Variants in SLC8A1 observed in about 807,000 individuals in gnomAD.
SLC8A1 encodes solute carrier family 8 member A1.
Under a neutral mutation model 68.3 loss-of-function variants are expected in SLC8A1, and 18 were observed. The ratio of observed to expected loss-of-function variants is 0.26; its 90% CI spans 0.18 to 0.39. SLC8A1 has a LOEUF of 0.39. Among genes scored for constraint, SLC8A1 ranks in the 10% least tolerant of loss-of-function variants. SLC8A1 has a pLI of 1.00. For missense variants in SLC8A1, 985 were observed against 1,156.7 expected (o/e 0.85, Z 2.15); for synonymous variants, 475 against 415.5 (o/e 1.14, Z -1.74).
At chr2:40,262,111 C>T (rs766235389) in intron 2 of SLC8A1, among the ~76,000 whole-genome samples, 14 of 151,944 alleles carry the variant, frequency 9.2e-5, no homozygotes, top group South Asian at 2.1e-4. Flanking sequence ...TACAGGCACG[C>T]GCCATCACGC....
intron 2 of SLC8A1, among the ~76,000 whole-genome samples, chr2:40,399,328 C>CGTCTCCCCTACCCCTT (rs1367404992): frequency 1.9e-4 from 29 of 152,174 alleles, no homozygotes; most frequent in Admixed American, 5.9e-4. Context: ...CCCTACCCCT[C>CGTCTCCCCTACCCCTT]GTCTCCCCTT....
intron 2 of SLC8A1, among the ~76,000 whole-genome samples, chr2:40,265,070 A>G (rs370586700): frequency 1.5e-3 from 233 of 152,302 alleles, no homozygotes; most frequent in African/African-American, 5.4e-3. Flanking sequence ...CTTCTTGGTG[A>G]AAATCTTCAA....
intron 2 of SLC8A1, among the ~76,000 whole-genome samples, chr2:40,379,854 A>G (rs1037901503): frequency 1.3e-4 from 20 of 152,074 alleles, no homozygotes; most frequent in African/African-American, 4.3e-4. Context: ...CTCAGGCTAA[A>G]CTTAATGTAA....
chr2:40,408,016 T>C (rs185018155), intron 2 of SLC8A1, among the ~76,000 whole-genome samples: 9 of 152,304 alleles, frequency 5.9e-5, no homozygotes, highest in Non-Finnish European at 1.0e-4. Context: ...GCATATCCCA[T>C]AAGTGATAAA....
At chr2:40,212,347 C>T (rs995287774) in intron 2 of SLC8A1, among the ~76,000 whole-genome samples, 4 of 135,884 alleles carry the variant, frequency 2.9e-5, no homozygotes, top group Admixed American at 1.7e-4. Flanking sequence ...TGCAGTGGTG[C>T]GATCTTGGCT....
chr2:40,363,525 C>G (rs1171793889), intron 2 of SLC8A1, among the ~76,000 whole-genome samples: 2 of 152,058 alleles, frequency 1.3e-5, no homozygotes, highest in Non-Finnish European at 2.9e-5. Flanking sequence ...TGATTAAAAA[C>G]AAAAGCTATC....
chr2:40,443,095 G>A (rs2149837287), intron 1 of SLC8A1, among the ~76,000 whole-genome samples: 1 of 152,160 alleles, frequency 6.6e-6, no homozygotes, highest in South Asian at 2.1e-4. Context: ...CACACACTGG[G>A]GCTTTCTGAG....
At chr2:40,302,449 G>A (rs985433037) in intron 2 of SLC8A1, among the ~76,000 whole-genome samples, 20 of 150,528 alleles carry the variant, frequency 1.3e-4, no homozygotes, top group South Asian at 6.3e-4. Context: ...GTGTGTGTGT[G>A]TGTGTGTGTG....
At chr2:40,165,321 C>T (rs530519490) in intron 4 of SLC8A1, among the ~76,000 whole-genome samples, 18 of 152,172 alleles carry the variant, frequency 1.2e-4, no homozygotes, top group African/African-American at 3.4e-4. Context: ...GTGACGCTGG[C>T]TCAGTTGGCT....
chr2:40,147,020 T>C (rs924777490), intron 6 of SLC8A1, among the ~76,000 whole-genome samples: 1 of 152,178 alleles, frequency 6.6e-6, no homozygotes, highest in Admixed American at 6.5e-5. Flanking sequence ...AAAAACAGAA[T>C]GCTTACAAGC....
intron 1 of SLC8A1, among the ~76,000 whole-genome samples, chr2:40,471,414 C>G (rs1290343500): frequency 6.6e-6 from 1 of 151,992 alleles, no homozygotes; most frequent in East Asian, 1.9e-4. Context: ...TTCTCTATCA[C>G]CATATGAGGC....
chr2:40,490,527 G>C (rs1705245498), intron 1 of SLC8A1, among the ~76,000 whole-genome samples: 1 of 152,078 alleles, frequency 6.6e-6, no homozygotes, highest in Non-Finnish European at 1.5e-5. Context: ...GGAAACAAAA[G>C]TGAGTGTCCT....
chr2:40,230,001 T>C (rs1326154395), intron 2 of SLC8A1, among the ~76,000 whole-genome samples: 1 of 152,100 alleles, frequency 6.6e-6, no homozygotes, highest in Non-Finnish European at 1.5e-5. Flanking sequence ...AAACCAAAAC[T>C]CTTATTATTC....
At chr2:40,329,986 T>C (rs1157535983) in intron 2 of SLC8A1, among the ~76,000 whole-genome samples, 1 of 152,184 alleles carries the variant, frequency 6.6e-6, no homozygotes, top group Non-Finnish European at 1.5e-5. Flanking sequence ...CCAAGCTATT[T>C]AAAGAGCAGG....
At chr2:40,284,625 A>T (rs1247840122) in intron 2 of SLC8A1, among the ~76,000 whole-genome samples, 2 of 146,656 alleles carry the variant, frequency 1.4e-5, no homozygotes, top group African/African-American at 5.0e-5. Context: ...TTAAATTGAA[A>T]GCTTTTGGGG....
intron 2 of SLC8A1, among the ~76,000 whole-genome samples, chr2:40,347,320 T>C (rs1225422292): frequency 1.3e-5 from 2 of 152,180 alleles, no homozygotes; most frequent in African/African-American, 2.4e-5. Flanking sequence ...TTCTAAACTA[T>C]CAACCTAACC....
intron 5 of SLC8A1, 27 bp downstream of exon 8, chr2:40,164,827 C>T (rs749183689): frequency 1.9e-6 from 3 of 1,612,362 alleles, no homozygotes; most frequent in Non-Finnish European, 2.5e-6. Flanking sequence ...GAGACTGGCT[C>T]CTGGTGGGCA....
chr2:40,365,535 C>T (rs577782938), intron 2 of SLC8A1, among the ~76,000 whole-genome samples: 11 of 152,124 alleles, frequency 7.2e-5, no homozygotes, highest in South Asian at 6.2e-4. Context: ...AGAATCACTA[C>T]GGTTGGGGGC....
At chr2:40,366,116 A>C (rs1214714405) in intron 2 of SLC8A1, among the ~76,000 whole-genome samples, 4 of 152,148 alleles carry the variant, frequency 2.6e-5, no homozygotes, top group Admixed American at 2.6e-4. Context: ...TGCTTCCTTT[A>C]TCTCTACATT....
Sources: gnomAD v4.1 joint callset for allele counts (sites outside exome capture counted in the v4.1 genomes callset) on GRCh38, gnomAD v4.1.1 for gene constraint, MANE v1.5 for transcripts, NCBI Gene and HGNC (gene_info 2026-07-23, HGNC 2026-07-21) for gene names.